OXR1: variants seen among roughly 807,000 people sequenced by gnomAD.
OXR1 encodes the protein oxidation resistance 1, also known as oxidation resistance protein 1.
Under a neutral mutation model 104.6 loss-of-function variants are expected in OXR1, and 41 were observed. That is an observed-to-expected ratio of 0.39 (90% confidence interval 0.31 to 0.51). OXR1 has a LOEUF of 0.51. Among genes scored for constraint, OXR1 ranks in the 20% least tolerant of loss-of-function variants. OXR1 has a pLI of 0.77. For missense variants in OXR1, 955 were observed against 1,031.9 expected (o/e 0.93, Z 1.02); for synonymous variants, 348 against 348.4 (o/e 1.00, Z 0.01).
At chr8:106,638,763 C>T (rs532611742) in intron 3 of OXR1, among the ~76,000 whole-genome samples, 3 of 151,948 alleles carry the variant, frequency 2.0e-5, no homozygotes, top group Non-Finnish European at 4.4e-5. Flanking sequence ...CGTGGTGGCA[C>T]GTGTCTGTAG....
intron 11 of OXR1, among the ~76,000 whole-genome samples, chr8:106,725,455 A>T (rs975339288): frequency 6.6e-6 from 1 of 152,200 alleles, no homozygotes. Flanking sequence ...GTTTATATGT[A>T]TTTGTAGTTT....
intron 3 of OXR1, among the ~76,000 whole-genome samples, chr8:106,661,594 T>C (rs1294707323): frequency 6.6e-6 from 1 of 152,200 alleles, no homozygotes; most frequent in Admixed American, 6.5e-5. Flanking sequence ...TATATTGTAA[T>C]AAATATAGAT....
chr8:106,426,080 T>G (rs913452993), intron 2 of OXR1, among the ~76,000 whole-genome samples: 1 of 152,138 alleles, frequency 6.6e-6, no homozygotes, highest in Admixed American at 6.5e-5. Context: ...GTGGAGGGGC[T>G]GTGGGACCAG....
At chr8:106,701,980 AT>A (rs1273609047) in intron 7 of OXR1, among the ~76,000 whole-genome samples, 1 of 151,972 alleles carries the variant, frequency 6.6e-6, no homozygotes, top group Non-Finnish European at 1.5e-5. Flanking sequence ...TATTTGTTTT[AT>A]TTTTTTGAGA....
At chr8:106,742,650 T>C (rs1835018825) in intron 15 of OXR1, among the ~76,000 whole-genome samples, 1 of 152,250 alleles carries the variant, frequency 6.6e-6, no homozygotes, top group Non-Finnish European at 1.5e-5. Flanking sequence ...ACCTCACACC[T>C]GTAACCATCT....
At chr8:106,566,479 G>T (rs959779294) in intron 3 of OXR1, among the ~76,000 whole-genome samples, 5 of 152,152 alleles carry the variant, frequency 3.3e-5, no homozygotes, top group African/African-American at 1.2e-4. Flanking sequence ...AAGAAATGCT[G>T]GAGAAAATGT....
intron 1 of OXR1, among the ~76,000 whole-genome samples, chr8:106,346,587 TC>T (rs1195586212): frequency 6.6e-6 from 1 of 150,924 alleles, no homozygotes; most frequent in Non-Finnish European, 1.5e-5. Flanking sequence ...TAAGAAAATT[TC>T]TTTTTTTTTT....
intron 3 of OXR1, among the ~76,000 whole-genome samples, chr8:106,528,529 G>T (rs1236311886): frequency 1.3e-5 from 2 of 152,158 alleles, no homozygotes; most frequent in Admixed American, 1.3e-4. Flanking sequence ...CTTCTCAGTA[G>T]TAGGCAAAAT....
rs74503172 is a variant in OXR1, at chr8:106,280,606, G to A, written c.-139+10239G>A. On this transcript the variant is annotated intron_variant, in intron 1 of 16. Transcript: ENST00000517566. ...GGGCATAGGGAGTCAGTGTTTAATG[G>A]GTACAGAGTTTCAGTCTGAAAGGTG... Among the ~76,000 whole-genome samples, 836 of 152,224 alleles carry A rather than the reference G, an allele frequency of 5.5e-3. 3 individuals are homozygous for A. Among genetic ancestry groups the A allele is most frequent in the Middle Eastern group, 0.01 (3 of 292 alleles).
chr8:106,488,680 A>G (rs1246127559), intron 2 of OXR1, among the ~76,000 whole-genome samples: 1 of 145,020 alleles, frequency 6.9e-6, no homozygotes, highest in Non-Finnish European at 1.5e-5. Context: ...TTAAATAGGG[A>G]ATCCTTTCCC....
chr8:106,520,216 ATTTTTT>A (rs1813162296), intron 3 of OXR1, among the ~76,000 whole-genome samples: 2 of 151,052 alleles, frequency 1.3e-5, no homozygotes, highest in Non-Finnish European at 2.9e-5. Context: ...TTTTTCTTTG[ATTTTTT>A]AGTAGCCATT....
At position 106,619,711 on chromosome 8, in the gene OXR1, G is replaced by A. The variant is rs575629265; in HGVS notation, c.221-59499G>A. 1.2e-4 allele frequency among the ~76,000 whole-genome samples: 19 copies of A among 152,126 alleles called. No homozygotes were observed. The South Asian group carries it at 1.7e-3, about 13-fold the overall frequency. On this transcript the variant is annotated intron_variant, in intron 3 of 16. Coordinates refer to ENST00000517566, the MANE Select transcript of OXR1 (RefSeq NM_001198533.2). ...TAGTATTAAACATGGAGCTGTCAAC[G>A]CTATAAAAATGTATGAACCCCTTTT...
chr8:106,270,231 G>C lies in OXR1; in HGVS notation c.-275G>C, dbSNP rs967316921. 2 of 152,076 alleles carry C rather than the reference G, an allele frequency of 1.3e-5. No homozygotes were observed. Among genetic ancestry groups the C allele is most frequent in the African/African-American group, 4.8e-5 (2 of 41,446 alleles). The allele number at this position is 152,076 out of a possible 1,614,324, so 9.4% of individuals were successfully genotyped here. A position where few individuals can be genotyped will look rare whatever the true frequency, so the allele number is the denominator to read the frequency against. ...AGCAGCGGGGCTAGAGCTGGGCTGC[G>C]TCAGGCTGAGCCCATTCACCTCGCG... On this transcript the variant is annotated 5_prime_UTR_variant, in exon 1 of 17. Coordinates refer to ENST00000517566, the MANE Select transcript of OXR1 (RefSeq NM_001198533.2).
intron 1 of OXR1, among the ~76,000 whole-genome samples, chr8:106,276,383 G>T (rs1416328988): frequency 6.6e-6 from 1 of 152,198 alleles, no homozygotes; most frequent in Non-Finnish European, 1.5e-5. Context: ...ACTGACTGAT[G>T]AGCCAGAATA....
intron 3 of OXR1, among the ~76,000 whole-genome samples, chr8:106,647,748 C>T (rs575401728): frequency 8.5e-4 from 130 of 152,300 alleles, no homozygotes; most frequent in Non-Finnish European, 1.5e-3. Flanking sequence ...CTGGCCTCAG[C>T]CTCCCAACGT....
At chr8:106,635,071 G>A (rs925705917) in intron 3 of OXR1, among the ~76,000 whole-genome samples, 1 of 152,276 alleles carries the variant, frequency 6.6e-6, no homozygotes, top group African/African-American at 2.4e-5. Flanking sequence ...ATGATTTAAA[G>A]AACCAGCTGC....
At position 106,706,822 on chromosome 8, in the gene OXR1, C is replaced by T. The variant is rs903527199; in HGVS notation, c.1301C>T (p.Ser434Leu). ...ATTGCAGATAACTTTCAAGGAATAT[C>T]AGGTCCTAAAGAAGACAGCACAAGT... ...DQIADNFQGI[S>L]GPKEDSTSIK... Residue 434 changes from serine (S) to leucine (L), a missense_variant, in exon 9 of 17, where the codon TCA (serine) becomes TTA (leucine). Ser to Leu is a moderately radical substitution (Grantham distance 145, BLOSUM62 -2). Transcript: ENST00000517566. 1.2e-6 allele frequency: 2 copies of T among 1,612,342 alleles called. No homozygotes were observed. The highest frequency in any genetic ancestry group is 1.7e-6 in the Non-Finnish European group (2 of 1,179,424).
chr8:106,388,800 C>T (rs1246707897), intron 2 of OXR1, among the ~76,000 whole-genome samples: 3 of 152,178 alleles, frequency 2.0e-5, no homozygotes, highest in Non-Finnish European at 4.4e-5. Flanking sequence ...CCTTGAAGCT[C>T]GTATGTTCCT....
At chr8:106,693,708 G>C (rs1049360747) in intron 7 of OXR1, among the ~76,000 whole-genome samples, 1 of 152,034 alleles carries the variant, frequency 6.6e-6, no homozygotes, top group Non-Finnish European at 1.5e-5. Context: ...TGGGATTACA[G>C]GTGTGAGCCA....
Sources: allele counts gnomAD v4.1 joint callset (sites outside exome capture counted in the v4.1 genomes callset), GRCh38; gene constraint gnomAD v4.1.1; transcripts MANE v1.5; gene names NCBI Gene and HGNC (gene_info 2026-07-23, HGNC 2026-07-21).